PDE10A: variants seen among roughly 807,000 people sequenced by gnomAD.
PDE10A encodes cAMP and cAMP-inhibited cGMP 3',5'-cyclic phosphodiesterase 10A.
Under a neutral mutation model 97.7 loss-of-function variants are expected in PDE10A, and 39 were observed. That is an observed-to-expected ratio of 0.40 (90% confidence interval 0.31 to 0.52). PDE10A has a LOEUF of 0.52. Ranked by LOEUF, PDE10A falls within the 20% of genes least tolerant of loss-of-function variation. PDE10A has a pLI of 0.56. For synonymous variants in PDE10A, 371 were observed against 376.8 expected (o/e 0.98, Z 0.18); for missense variants, 731 against 1,047.8 (o/e 0.70, Z 4.17).
chr6:165,748,471 G>A (rs1792893412), intron 1 of PDE10A, among the ~76,000 whole-genome samples: 1 of 152,194 alleles, frequency 6.6e-6, no homozygotes, highest in Admixed American at 6.5e-5. Flanking sequence ...GAATTGTAAA[G>A]GTTGCATTTT....
chr6:165,627,070 T>C (rs1788422537), intron 1 of PDE10A, among the ~76,000 whole-genome samples: 1 of 152,228 alleles, frequency 6.6e-6, no homozygotes, highest in African/African-American at 2.4e-5. Context: ...GGATTGCAAG[T>C]CCAGGTCACT....
At chr6:165,797,420 A>G (rs1335442680) in intron 1 of PDE10A, among the ~76,000 whole-genome samples, 1 of 152,186 alleles carries the variant, frequency 6.6e-6, no homozygotes, top group Non-Finnish European at 1.5e-5. Context: ...GGATTTTTTC[A>G]TAATAAAAAG....
At chr6:165,760,166 C>G (rs1562722525) in intron 1 of PDE10A, among the ~76,000 whole-genome samples, 1 of 152,214 alleles carries the variant, frequency 6.6e-6, no homozygotes, top group Non-Finnish European at 1.5e-5. Context: ...ATGTTCTCCT[C>G]TTACCCTGTA....
intron 1 of PDE10A, among the ~76,000 whole-genome samples, chr6:165,551,312 T>C (rs1784003182): frequency 6.6e-6 from 1 of 152,198 alleles, no homozygotes; most frequent in Admixed American, 6.5e-5. Flanking sequence ...TCTCATGCAT[T>C]TATACTACAA....
chr6:165,823,764 C>T (rs1779648874), intron 1 of PDE10A, among the ~76,000 whole-genome samples: 1 of 151,844 alleles, frequency 6.6e-6, no homozygotes, highest in South Asian at 2.1e-4. Flanking sequence ...TAATACATCG[C>T]ACTGTGACGT....
intron 1 of PDE10A, among the ~76,000 whole-genome samples, chr6:165,840,279 A>C (rs1780225280): frequency 6.6e-6 from 1 of 152,020 alleles, no homozygotes; most frequent in African/African-American, 2.4e-5. Context: ...GGTACCTGCA[A>C]TCAGTCCAGG....
intron 18 of PDE10A, among the ~76,000 whole-genome samples, chr6:165,355,722 G>T (rs910320154): frequency 1.3e-5 from 2 of 152,068 alleles, no homozygotes; most frequent in African/African-American, 4.8e-5. Context: ...ATACCTGAGA[G>T]TGAACTGCTA....
intron 1 of PDE10A, among the ~76,000 whole-genome samples, chr6:165,550,706 T>C (rs900876815): frequency 5.3e-5 from 8 of 152,212 alleles, no homozygotes; most frequent in South Asian, 2.1e-4. Context: ...AAACTAGAAT[T>C]AATAATTGAG....
intron 1 of PDE10A, among the ~76,000 whole-genome samples, chr6:165,636,792 G>C (rs140680892): frequency 6.6e-6 from 1 of 152,126 alleles, no homozygotes; most frequent in Non-Finnish European, 1.5e-5. Flanking sequence ...CTTGTGTCAG[G>C]CATCTTTCCA....
Position 165,570,051 on chromosome 6 carries a change from C to A in PDE10A, c.866-26483G>T, listed in dbSNP as rs372535514. On this transcript the variant is annotated intron_variant, in intron 1 of 21. Coordinates refer to ENST00000539869, the MANE Select transcript of PDE10A (RefSeq NM_001385079.1). ...TCCTCCAAAATTCATGTGTTGAAGT[C>A]CTAACCCCCAGTACCTCAGAATGTG... Among the ~76,000 whole-genome samples the A allele has an allele frequency of 1.9e-4, 29 of 152,222 alleles. 1 individual carries two copies. Among genetic ancestry groups the A allele is most frequent in the African/African-American group, 6.7e-4 (28 of 41,530 alleles).
intron 1 of PDE10A, among the ~76,000 whole-genome samples, chr6:165,925,322 T>C (rs1782901111): frequency 6.6e-6 from 1 of 152,230 alleles, no homozygotes; most frequent in Non-Finnish European, 1.5e-5. Flanking sequence ...ACAGCCACTC[T>C]GGAAAATAGT....
rs1781172334 is a variant in PDE10A at position 165,328,592 on chromosome 6, T to C, written c.*4433A>G. The C allele has an allele frequency of 1.3e-5, 2 of 152,232 alleles. No individual in the cohort carries two copies. The highest frequency in any genetic ancestry group is 2.9e-5 in the Non-Finnish European group (2 of 68,032). 9.4% of individuals were successfully genotyped at this position (152,232 alleles called of 1,614,324 possible). On this transcript the variant is annotated 3_prime_UTR_variant, in exon 22 of 22. Transcript: ENST00000539869. ...TGCAGGAAAGAGCACGTAGGCTCTG[T>C]ACGGCTTTGCAAGCCCTGCTCTCCA...
At chr6:165,448,057 A>G (rs1791000718) in intron 5 of PDE10A, among the ~76,000 whole-genome samples, 1 of 152,224 alleles carries the variant, frequency 6.6e-6, no homozygotes, top group African/African-American at 2.4e-5. Context: ...GTAACATTGT[A>G]TATAATGTAC....
intron 1 of PDE10A, among the ~76,000 whole-genome samples, chr6:165,762,738 TAACA>T (rs1262822781): frequency 6.6e-6 from 1 of 152,202 alleles, no homozygotes; most frequent in East Asian, 1.9e-4. Flanking sequence ...TCTTTATTGC[TAACA>T]AACAATTGTT....
At chr6:165,452,979 G>A (rs1329946539) in intron 3 of PDE10A, among the ~76,000 whole-genome samples, 3 of 151,900 alleles carry the variant, frequency 2.0e-5, no homozygotes, top group Admixed American at 2.0e-4. Flanking sequence ...AATACTGATA[G>A]AAACATGGAC....
intron 1 of PDE10A, among the ~76,000 whole-genome samples, chr6:165,763,138 T>C (rs1163937620): frequency 6.6e-6 from 1 of 152,134 alleles, no homozygotes; most frequent in African/African-American, 2.4e-5. Context: ...TAGACAGAGC[T>C]CACATCCCGT....
chr6:165,585,977 T>G (rs1785889990), intron 1 of PDE10A, among the ~76,000 whole-genome samples: 1 of 152,106 alleles, frequency 6.6e-6, no homozygotes, highest in Non-Finnish European at 1.5e-5. Context: ...AGCTATCAAC[T>G]AACCAAGCAA....
rs1351415346 is a variant in PDE10A at position 165,819,855 on chromosome 6, T to C, written c.-615+167674A>G. Among the ~76,000 whole-genome samples the C allele has an allele frequency of 2.6e-5, 4 of 152,260 alleles. No homozygotes were observed. In the East Asian group the frequency reaches 7.7e-4, roughly 29 times the overall value. On this transcript the variant is annotated intron_variant, in intron 1 of 19. Transcript: ENST00000366882. The surrounding 1 kb of genome is among the most constrained non-coding windows in gnomAD (Gnocchi z 4.2). ...AATGAATGATGGACTGAAATCATCA[T>C]ATTACTACATTGTTGAATGTTATTC... is the stretch of plus-strand genomic sequence containing the variant.
At chr6:165,803,863 T>G (rs1013829189) in intron 1 of PDE10A, among the ~76,000 whole-genome samples, 5 of 152,168 alleles carry the variant, frequency 3.3e-5, no homozygotes, top group African/African-American at 1.2e-4. Flanking sequence ...TGGAAACTAC[T>G]TGGTGTAGGA....
Sources: gnomAD v4.1 joint callset for allele counts (sites outside exome capture counted in the v4.1 genomes callset) on GRCh38, gnomAD v4.1.1 for gene constraint, Gnocchi (gnomAD v3.1) non-coding constraint, MANE v1.5 for transcripts, NCBI Gene and HGNC (gene_info 2026-07-23, HGNC 2026-07-21) for gene names.